The following AADACL4 variants were observed in gnomAD, a reference collection of about 807,000 sequenced individuals.
AADACL4 encodes the protein arylacetamide deacetylase-like 4.
A neutral mutation model predicts 14.1 loss-of-function variants in AADACL4; 9 were observed. The ratio of observed to expected loss-of-function variants is 0.64; its 90% CI spans 0.39 to 1.12. AADACL4 has a LOEUF of 1.12. Ranked by LOEUF, AADACL4 falls within the 50% of genes most tolerant of loss-of-function variation. AADACL4 has a pLI of 0.01. For missense variants in AADACL4, 531 were observed against 516.1 expected, an observed-to-expected ratio of 1.03 and a Z score of -0.28; for synonymous variants, 188 against 201.6, an observed-to-expected ratio of 0.93 and a Z score of 0.57.
At chr1:12,648,714 GAT>G (rs1248749162) in intron 1 of AADACL4, among the ~76,000 whole-genome samples, 1 of 151,964 alleles carries the variant, frequency 6.6e-6, no homozygotes, top group Non-Finnish European at 1.5e-5. Context: ...CTGGACCTCA[GAT>G]ATTTTTAAAA....
At position 12,660,509 on chromosome 1, in the gene AADACL4, G is replaced by A. The variant is rs77556688; in HGVS notation, c.386-1282G>A. Among the ~76,000 whole-genome samples, 593 of 152,174 alleles carry A rather than the reference G, an allele frequency of 3.9e-3. 8 individuals carry two copies. Among genetic ancestry groups the A allele is most frequent in the East Asian group, 0.031 (158 of 5,168 alleles). On this transcript the variant is annotated intron_variant, in intron 2 of 3. Coordinates refer to ENST00000376221, the MANE Select transcript of AADACL4 (RefSeq NM_001013630.2). Reference sequence around the variant, plus strand: ...AAAGGAGGAATGTCTGGGTTACATCGGGAAGATGACACCCAGGTTGGCCCC... The same window carrying A: ...AAAGGAGGAATGTCTGGGTTACATCAGGAAGATGACACCCAGGTTGGCCCC...
rs1443215542 is a variant in AADACL4, at chr1:12,651,268, A to T, written c.314A>T (p.Lys105Met). The T allele has an allele frequency of 6.2e-7, 1 of 1,614,206 alleles. No homozygotes were observed. Among genetic ancestry groups the T allele is most frequent in the Non-Finnish European group, 8.5e-7 (1 of 1,180,052 alleles). Reference protein sequence around the residue: ...GTIPVRLFQPKAASSRPRRGI... With the variant: ...GTIPVRLFQPMAASSRPRRGI... ...ATACCCGTGAGGCTGTTCCAGCCGAAGGCAGCATCCTCCAGACCCCGGCGA... is the reference window on the plus strand; with the variant it reads ...ATACCCGTGAGGCTGTTCCAGCCGATGGCAGCATCCTCCAGACCCCGGCGA... Residue 105 changes from lysine to methionine, a missense_variant, in exon 2 of 4, where the codon AAG becomes ATG. Lys to Met is a moderately conservative substitution (Grantham distance 95). Transcript: ENST00000376221.
intron 2 of AADACL4, among the ~76,000 whole-genome samples, chr1:12,657,791 A>C (rs2100764902): frequency 6.6e-6 from 1 of 152,270 alleles, no homozygotes; most frequent in East Asian, 1.9e-4. Context: ...GTGTGTGTTT[A>C]GTATGTTGAT....
rs1370542996 is a variant in AADACL4 at position 12,666,683 on chromosome 1, C to T, written c.1172C>T (p.Pro391Leu). ...IFFDKKALSF[P>L]CSLKIVNAVV... ...TTTGATAAGAAGGCTCTCTCTTTCCCATGTTCCCTGAAGATTGTGAATGCT... is the reference window on the plus strand; with the variant it reads ...TTTGATAAGAAGGCTCTCTCTTTCCTATGTTCCCTGAAGATTGTGAATGCT... The change falls in exon 4 of 4, where the codon CCA (proline) becomes CTA (leucine). Residue 391 changes from proline (P) to leucine (L), a missense_variant. Coordinates refer to ENST00000376221, the MANE Select transcript of AADACL4 (RefSeq NM_001013630.2). 1 of 1,613,662 alleles carries T rather than the reference C, an allele frequency of 6.2e-7. No homozygotes were observed. The highest frequency in any genetic ancestry group is 1.3e-5 in the African/African-American group (1 of 74,910).
At chr1:12,658,122 TCC>T (rs1647195781) in intron 2 of AADACL4, among the ~76,000 whole-genome samples, 1 of 131,484 alleles carries the variant, frequency 7.6e-6, no homozygotes, top group African/African-American at 3.7e-5. Context: ...CTTCCTTCCT[TCC>T]TTCCTTCCTT....
intron 2 of AADACL4, among the ~76,000 whole-genome samples, chr1:12,658,163 T>TC (rs1647197694): frequency 7.2e-6 from 1 of 137,954 alleles, no homozygotes; most frequent in African/African-American, 3.4e-5. Context: ...TTTCTTTCTT[T>TC]CTTTTTCTCT....
chr1:12,657,550 G>A (rs575503966), intron 2 of AADACL4, among the ~76,000 whole-genome samples: 81 of 152,294 alleles, frequency 5.3e-4, no homozygotes, highest in African/African-American at 1.9e-3. Context: ...GTGAAAGTAC[G>A]GAGATTTATT....
At chr1:12,645,852 GT>G (rs1170905253) in intron 1 of AADACL4, among the ~76,000 whole-genome samples, 1 of 152,238 alleles carries the variant, frequency 6.6e-6, no homozygotes, top group South Asian at 2.1e-4. Flanking sequence ...CTTCACAGGT[GT>G]TTTTTTCCTT....
At chr1:12,646,729 G>A (rs910473842) in intron 1 of AADACL4, among the ~76,000 whole-genome samples, 1 of 152,178 alleles carries the variant, frequency 6.6e-6, no homozygotes, top group African/African-American at 2.4e-5. Context: ...AGCTGCTATG[G>A]GCTGTTCACA....
intron 2 of AADACL4, among the ~76,000 whole-genome samples, chr1:12,658,139 C>CCTTCCTTCCTTCCTTTCTTT: frequency 1.2e-5 from 1 of 84,932 alleles, no homozygotes; most frequent in Non-Finnish European, 2.2e-5. Context: ...TTCCTTCCTT[C>CCTTCCTTCCTTCCTTTCTTT]CTTTCTTTCT....
At chr1:12,648,891 G>GTTTT (rs1647128472) in intron 1 of AADACL4, among the ~76,000 whole-genome samples, 1 of 152,186 alleles carries the variant, frequency 6.6e-6, no homozygotes. Flanking sequence ...ACAGCGTGAT[G>GTTTT]TTAAACTTTC....
rs766283076 is a variant in AADACL4 at position 12,666,074 on chromosome 1, T to C, written c.563T>C (p.Val188Ala). ...TATGGGGTGGACCCCTCCAGGGTTG[T>C]GGTCTGTGGAGAAAGCGTCGGAGGT... ...ETYGVDPSRV[V>A]VCGESVGGAA... Residue 188 changes from valine (V) to alanine (A), a missense_variant, in exon 4 of 4, where the codon GTG becomes GCG. Transcript: ENST00000376221. 6.2e-7 allele frequency: 1 copy of C among 1,614,232 alleles called. No individual in the cohort carries two copies.
Position 12,666,144 on chromosome 1 carries a change from TC to T in AADACL4, c.634del (p.Leu212PhefsTer9). ...CCCAGGCCTTGGTGGGCAGATCAGA[TC>T]TTCCCCGGATCCGGGCTCAGGTTCT... The part of the protein sequence containing the change: ...ITQALVGRSD[L>X]PRIRAQVLIY... On this transcript the variant is annotated frameshift_variant, in exon 4 of 4. Coordinates refer to ENST00000376221, the MANE Select transcript of AADACL4 (RefSeq NM_001013630.2). LOFTEE classifies it low-confidence loss of function (END_TRUNC). 1 of 1,614,236 alleles carries T rather than the reference TC, an allele frequency of 6.2e-7. No individual in the cohort carries two copies. The highest frequency in any genetic ancestry group is 1.1e-5 in the South Asian group (1 of 91,088).
rs138002747 is a variant in AADACL4 at position 12,666,730 on chromosome 1, A to T, written c.1219A>T (p.Ile407Leu). ...TGCTGTAGTCAGTTATATAAAGGGC[A>T]TATGATAGTAACCCTGGGGCCCCGA... ...VNAVVSYIKG[I>L] is the part of the protein sequence containing the mutation. Residue 407 changes from isoleucine (I) to leucine (L), a missense_variant, in exon 4 of 4, where the codon ATA becomes TTA. Transcript: ENST00000376221. 3.0e-5 allele frequency: 48 copies of T among 1,602,200 alleles called. No individual in the cohort carries two copies. The East Asian group carries it at 9.6e-4, about 32-fold the overall frequency.
At position 12,649,931 on chromosome 1, in the gene AADACL4, A is replaced by G. The variant is rs560887367; in HGVS notation, c.169-1192A>G. Among the ~76,000 whole-genome samples, 4 of 152,104 alleles carry G rather than the reference A, an allele frequency of 2.6e-5. No homozygotes were observed. The South Asian group carries it at 8.3e-4, about 32-fold the overall frequency. On this transcript the variant is annotated intron_variant, in intron 1 of 3. Coordinates refer to ENST00000376221, the MANE Select transcript of AADACL4 (RefSeq NM_001013630.2). ...GTTGAGAACACAAATTTTGCATCTTACTTGTTGAACAACCCTGGGCAAGGA... is the reference window on the plus strand; with the variant it reads ...GTTGAGAACACAAATTTTGCATCTTGCTTGTTGAACAACCCTGGGCAAGGA...
In AADACL4 at chr1:12,666,497, A is replaced by G. The variant is rs1557554233; in HGVS notation, c.986A>G (p.Asp329Gly). The change falls in exon 4 of 4, where the codon GAT (aspartate) becomes GGT (glycine). Residue 329 changes from aspartate (D) to glycine (G), a missense_variant. By Grantham distance (94) the Asp-to-Gly change is moderately conservative. Transcript: ENST00000376221. ...LDVENSPLIADDEVIAQLPEA... is the reference protein window; with the variant it reads ...LDVENSPLIAGDEVIAQLPEA... ...GTAGAAAATTCACCCCTGATAGCAG[A>G]TGATGAGGTCATCGCTCAGCTTCCT... 6.2e-7 allele frequency: 1 copy of G among 1,614,204 alleles called. No individual in the cohort carries two copies. Among genetic ancestry groups the G allele is most frequent in the African/African-American group, 1.3e-5 (1 of 75,050 alleles).
Position 12,666,365 on chromosome 1 carries a change from T to C in AADACL4, c.854T>C (p.Leu285Pro). The change falls in exon 4 of 4, where the codon CTC becomes CCC. Residue 285 changes from leucine (L) to proline (P), a missense_variant. Physicochemically the swap from Leu to Pro is moderately conservative, Grantham distance 98. Coordinates refer to ENST00000376221, the MANE Select transcript of AADACL4 (RefSeq NM_001013630.2). ...PDVWRKYEKW[L>P]SPDNIPKKFK... ...GTCTGGAGGAAGTACGAGAAGTGGC[T>C]CAGCCCTGACAACATCCCCAAGAAA... The C allele has an allele frequency of 6.2e-7, 1 of 1,614,134 alleles. No individual in the cohort carries two copies. The highest frequency in any genetic ancestry group is 8.5e-7 in the Non-Finnish European group (1 of 1,180,034).
At chr1:12,649,278 C>T (rs1409416081) in intron 1 of AADACL4, among the ~76,000 whole-genome samples, 1 of 152,182 alleles carries the variant, frequency 6.6e-6, no homozygotes, top group East Asian at 1.9e-4. Context: ...GGTGTCCAAC[C>T]ACCTGCTGAA....
intron 2 of AADACL4, among the ~76,000 whole-genome samples, chr1:12,660,652 T>A (rs1038409385): frequency 4.0e-5 from 6 of 149,216 alleles, no homozygotes; most frequent in Non-Finnish European, 6.0e-5. Flanking sequence ...GGCATCAGCA[T>A]TTTTTTTTTG....
Sources: gnomAD v4.1 joint callset for allele counts (sites outside exome capture counted in the v4.1 genomes callset) on GRCh38, gnomAD v4.1.1 for gene constraint, MANE v1.5 for transcripts, NCBI Gene and HGNC (gene_info 2026-07-23, HGNC 2026-07-21) for gene names.